The following NFILZ variants were observed in gnomAD, a reference collection of about 807,000 sequenced individuals.
NFILZ encodes the protein NFIL3 like basic leucine zipper.
chr19:8,656,493 C>CT (rs112812177), intron 3 of NFILZ, among the ~76,000 whole-genome samples: 2,009 of 80,232 alleles, frequency 0.025, 187 homozygotes, highest in Non-Finnish European at 0.035. Context: ...AGCCCACCTT[C>CT]TCCCGCAGCC....
At chr19:8,675,988 C>T (rs1457628559) in intron 4 of NFILZ, among the ~76,000 whole-genome samples, 2 of 152,106 alleles carry the variant, frequency 1.3e-5, no homozygotes, top group Non-Finnish European at 2.9e-5. Context: ...ATGAATCTCT[C>T]AGTGAATCAA....
chr19:8,649,627 A>G (rs79319636), intron 3 of NFILZ, among the ~76,000 whole-genome samples: 78 of 152,022 alleles, frequency 5.1e-4, no homozygotes, highest in African/African-American at 1.8e-3. Flanking sequence ...GCTCTGCTGT[A>G]TGGGTCCTGT....
chr19:8,675,201 G>A (rs534327933), intron 4 of NFILZ, among the ~76,000 whole-genome samples: 4 of 152,320 alleles, frequency 2.6e-5, no homozygotes, highest in Non-Finnish European at 2.9e-5. Flanking sequence ...AAGATGATCG[G>A]TTTTCAGCCC....
In NFILZ at chr19:8,678,146, T is replaced by C. The variant is rs2043125550; in HGVS notation, c.*511T>C. Among the ~76,000 whole-genome samples the C allele has an allele frequency of 1.2e-4, 1 of 8,138 alleles. No homozygotes were observed. Among genetic ancestry groups the C allele is most frequent in the African/African-American group, 4.1e-4 (1 of 2,420 alleles). 5.3% of individuals were successfully genotyped at this position (8,138 alleles called of 152,430 possible). ...CCATCCCTCCATCCATTCATCCACT[T>C]GTCCGTCCATCCATCCATCCATCCA... On this transcript the variant is annotated 3_prime_UTR_variant, in exon 6 of 6. Coordinates refer to ENST00000691075, the MANE Select transcript of NFILZ (RefSeq NM_001378600.1).
chr19:8,657,292 G>T (rs1375014189), intron 3 of NFILZ, among the ~76,000 whole-genome samples: 2 of 151,674 alleles, frequency 1.3e-5, no homozygotes, highest in Admixed American at 6.6e-5. Context: ...TTGTAGAGAG[G>T]GGGGTTTCAT....
intron 3 of NFILZ, among the ~76,000 whole-genome samples, chr19:8,667,776 C>T (rs1555749952): frequency 6.6e-6 from 1 of 151,906 alleles, no homozygotes; most frequent in African/African-American, 2.4e-5. Context: ...GAACTCCTGA[C>T]CTCAAGTGAT....
At chr19:8,656,834 G>A (rs188817416) in intron 3 of NFILZ, among the ~76,000 whole-genome samples, 98 of 152,286 alleles carry the variant, frequency 6.4e-4, no homozygotes, top group African/African-American at 2.2e-3. Flanking sequence ...CACCAGGGAG[G>A]GTCTGGCTGT....
chr19:8,644,662 T>C (rs1413220472), intron 3 of NFILZ, among the ~76,000 whole-genome samples: 5 of 150,606 alleles, frequency 3.3e-5, no homozygotes, highest in Admixed American at 1.3e-4. Context: ...ATGGGGGTCT[T>C]ACCGTGTTGC....
rs2043002972 is a variant in NFILZ at position 8,656,482 on chromosome 19, C to CAGCCCACCTTCTCCTGA, written c.-163-18055_-163-18054insTGAAGCCCACCTTCTCC. On this transcript the variant is annotated intron_variant, in intron 3 of 5. Coordinates refer to ENST00000691075, the MANE Select transcript of NFILZ (RefSeq NM_001378600.1). The stretch of plus-strand genomic sequence containing the variant: ...TCTCTCTGAAGCCCACCTTCTCCCG[C>CAGCCCACCTTCTCCTGA]AGCCCACCTTCTCCCGCAGCCCACC... 4.8e-3 allele frequency among the ~76,000 whole-genome samples: 217 copies of CAGCCCACCTTCTCCTGA among 45,594 alleles called. 16 individuals are homozygous for CAGCCCACCTTCTCCTGA. Among genetic ancestry groups the CAGCCCACCTTCTCCTGA allele is most frequent in the Middle Eastern group, 8.6e-3 (1 of 116 alleles). 29.9% of individuals were successfully genotyped at this position (45,594 alleles called of 152,430 possible).
In NFILZ at chr19:8,679,070, C is replaced by A. The variant is rs1225015285; in HGVS notation, c.*1435C>A. On this transcript the variant is annotated 3_prime_UTR_variant, in exon 6 of 6. Coordinates refer to ENST00000691075, the MANE Select transcript of NFILZ (RefSeq NM_001378600.1). ...GGCTTCTTCTGTGTCTTGGATCAGG[C>A]CTTGAGCTGCTGGAACAGGAGCAGC... Among the ~76,000 whole-genome samples, 13 of 148,140 alleles carry A rather than the reference C, an allele frequency of 8.8e-5. No homozygotes were observed. Among genetic ancestry groups the A allele is most frequent in the South Asian group, 4.3e-4 (2 of 4,650 alleles).
chr19:8,672,483 CA>C (rs1209019668), intron 3 of NFILZ, among the ~76,000 whole-genome samples: 3 of 150,978 alleles, frequency 2.0e-5, no homozygotes, highest in African/African-American at 7.3e-5. Flanking sequence ...TTAGTTCATT[CA>C]AAAAAAATCC....
chr19:8,650,186 T>C (rs1239426362), intron 3 of NFILZ, among the ~76,000 whole-genome samples: 9 of 152,066 alleles, frequency 5.9e-5, no homozygotes, highest in Admixed American at 2.0e-4. Context: ...GTTGTTTGTT[T>C]TGATAACTTT....
intron 3 of NFILZ, among the ~76,000 whole-genome samples, chr19:8,663,449 G>C (rs541648937): frequency 8.1e-4 from 117 of 144,142 alleles, no homozygotes; most frequent in Admixed American, 2.7e-3. Flanking sequence ...GTGGTGGGGA[G>C]GGGTGGAACT....
chr19:8,667,433 G>T (rs1600153680), intron 3 of NFILZ, among the ~76,000 whole-genome samples: 2 of 152,160 alleles, frequency 1.3e-5, no homozygotes, highest in Non-Finnish European at 2.9e-5. Context: ...ATCTGGGGGG[G>T]ATTGGTTCTG....
In NFILZ at chr19:8,680,463, G is replaced by A. The variant is rs1451283606; in HGVS notation, c.*2828G>A. Among the ~76,000 whole-genome samples, 1 of 151,978 alleles carries A rather than the reference G, an allele frequency of 6.6e-6. No homozygotes were observed. Among genetic ancestry groups the A allele is most frequent in the African/African-American group, 2.4e-5 (1 of 41,348 alleles). On this transcript the variant is annotated 3_prime_UTR_variant, in exon 6 of 6. Coordinates refer to ENST00000691075, the MANE Select transcript of NFILZ (RefSeq NM_001378600.1). ...CGAGTTGGCAGTCTTTTCTTTTGTG[G>A]TTTGTACATTTTTGTCATGTTTAAG...
At chr19:8,647,581 C>A (rs868967075) in intron 3 of NFILZ, among the ~76,000 whole-genome samples, 1 of 148,240 alleles carries the variant, frequency 6.7e-6, no homozygotes, top group Non-Finnish European at 1.5e-5. Context: ...CCCGCACCCC[C>A]CCCCCCAAAA....
intron 3 of NFILZ, among the ~76,000 whole-genome samples, chr19:8,643,261 C>T (rs913450442): frequency 6.6e-6 from 1 of 152,198 alleles, no homozygotes; most frequent in Non-Finnish European, 1.5e-5. Context: ...AGGATTTTGA[C>T]TCTAAAGATA....
intron 4 of NFILZ, among the ~76,000 whole-genome samples, chr19:8,675,435 C>T (rs1385517064): frequency 2.0e-5 from 3 of 152,168 alleles, no homozygotes; most frequent in African/African-American, 7.2e-5. Flanking sequence ...TGCTATATCT[C>T]TGGGACACTG....
At position 8,656,762 on chromosome 19, in the gene NFILZ, C is replaced by CG. The variant is rs1555748565; in HGVS notation, c.-163-17789_-163-17788insG. ...CCTGGGCCCCTATGGGTGGCAACAC[C>CG]TGTGTGTGTGTAGCAGGGAACTGAA... On this transcript the variant is annotated intron_variant, in intron 3 of 5. Transcript: ENST00000691075. 7.9e-5 allele frequency among the ~76,000 whole-genome samples: 12 copies of CG among 152,268 alleles called. No individual in the cohort carries two copies. In the South Asian group the frequency reaches 2.5e-3, roughly 32 times the overall value.
Sources: allele counts gnomAD v4.1 joint callset (sites outside exome capture counted in the v4.1 genomes callset), GRCh38; gene constraint gnomAD v4.1.1; transcripts MANE v1.5; gene names NCBI Gene and HGNC (gene_info 2026-07-23, HGNC 2026-07-21).